Variants in SORT1 observed in about 807,000 individuals in gnomAD.
SORT1 encodes sortilin 1.
In SORT1, 39 loss-of-function variants were observed where a neutral mutation model predicts 101.7. The observed-to-expected ratio is 0.38, with a 90% CI of 0.30 to 0.50. The LOEUF is 0.50. Among genes scored for constraint, SORT1 ranks in the 20% least tolerant of loss-of-function variants. SORT1 has a pLI of 0.90. For synonymous variants in SORT1, 396 were observed against 393.7 expected (o/e 1.01, Z -0.07); for missense variants, 878 against 1,040.4 (o/e 0.84, Z 2.15).
chr1:109,383,599 G>A (rs1015487948), intron 1 of SORT1, among the ~76,000 whole-genome samples: 1 of 152,168 alleles, frequency 6.6e-6, no homozygotes, highest in Non-Finnish European at 1.5e-5. Flanking sequence ...ACAAAGGCAA[G>A]GCATCGGTGA....
In SORT1 at chr1:109,312,512, A is replaced by AT. The variant is rs777634238; in HGVS notation, c.*1530dup. The AT allele has an allele frequency of 2.3e-5, 1 of 44,154 alleles. No individual in the cohort carries two copies. Among genetic ancestry groups the AT allele is most frequent in the Non-Finnish European group, 5.9e-5 (1 of 17,034 alleles). The allele number at this position is 44,154 out of a possible 1,614,324, so 2.7% of individuals were successfully genotyped here. ...GACTAAAGTTAATTTGGCACTTCAA[A>AT]TAAAAAAAAAAAAAAACACACAAAA... On this transcript the variant is annotated 3_prime_UTR_variant, in exon 20 of 20. Coordinates refer to ENST00000256637, the MANE Select transcript of SORT1 (RefSeq NM_002959.7).
chr1:109,324,262 G>C (rs1302561232), intron 14 of SORT1, among the ~76,000 whole-genome samples: 1 of 151,984 alleles, frequency 6.6e-6, no homozygotes, highest in African/African-American at 2.4e-5. Context: ...CCAACTAGCT[G>C]GGACCCGCCA....
intron 2 of SORT1, among the ~76,000 whole-genome samples, chr1:109,368,218 TG>T (rs1311627198): frequency 1.4e-5 from 2 of 145,378 alleles, no homozygotes; most frequent in Non-Finnish European, 3.0e-5. Flanking sequence ...TGCTTGAACC[TG>T]GGAGGTGGAC....
Position 109,326,486 on chromosome 1 carries a change from T to C in SORT1, c.1643+506A>G, listed in dbSNP as rs113967979. ...ATATACATACACACACACACACACA[T>C]ATATATACACACATATATACACACA... On this transcript the variant is annotated intron_variant, in intron 13 of 19. Transcript: ENST00000256637. Among the ~76,000 whole-genome samples, 230 of 92,072 alleles carry C rather than the reference T, an allele frequency of 2.5e-3. 3 individuals are homozygous for C. Among genetic ancestry groups the C allele is most frequent in the African/African-American group, 5.5e-3 (149 of 27,198 alleles). The allele number at this position is 92,072 out of a possible 152,430, so 60.4% of individuals were successfully genotyped here.
chr1:109,347,816 T>TC (rs925895447), intron 6 of SORT1, among the ~76,000 whole-genome samples: 11 of 152,180 alleles, frequency 7.2e-5, no homozygotes, highest in African/African-American at 2.7e-4. Flanking sequence ...ACATTTTTGA[T>TC]CATCACAACT....
chr1:109,311,184 G>A lies in SORT1; in HGVS notation c.*2859C>T, dbSNP rs1658710678. The A allele has an allele frequency of 6.6e-6, 1 of 152,232 alleles. No homozygotes were observed. The highest frequency in any genetic ancestry group is 2.4e-5 in the African/African-American group (1 of 41,454). The allele number at this position is 152,232 out of a possible 1,614,324, so 9.4% of individuals were successfully genotyped here. On this transcript the variant is annotated 3_prime_UTR_variant, in exon 20 of 20. Coordinates refer to ENST00000256637, the MANE Select transcript of SORT1 (RefSeq NM_002959.7). ...AAAGCCCAATGCCCAATTAGGTCCA[G>A]AGAAGAAAGAAGAGTGAGTTCCCTA...
At chr1:109,360,840 G>C (rs2101614749) in intron 3 of SORT1, among the ~76,000 whole-genome samples, 1 of 152,284 alleles carries the variant, frequency 6.6e-6, no homozygotes, top group South Asian at 2.1e-4. Context: ...TTTTGAAATT[G>C]AGGAGGCAGC....
intron 1 of SORT1, among the ~76,000 whole-genome samples, chr1:109,394,184 C>T (rs957871631): frequency 6.6e-6 from 1 of 152,068 alleles, no homozygotes; most frequent in Non-Finnish European, 1.5e-5. Flanking sequence ...TTCTTGTCAT[C>T]CCTTTTGTTT....
intron 3 of SORT1, among the ~76,000 whole-genome samples, chr1:109,361,728 T>C (rs373413804): frequency 6.6e-5 from 10 of 152,348 alleles, no homozygotes; most frequent in Admixed American, 2.0e-4. Context: ...TCATGGATTC[T>C]ATATTTGTAA....
chr1:109,385,130 A>G (rs1203129125), intron 1 of SORT1, among the ~76,000 whole-genome samples: 2 of 152,122 alleles, frequency 1.3e-5, no homozygotes, highest in Non-Finnish European at 2.9e-5. Context: ...CTCTCTCCCT[A>G]TTATAATTAA....
intron 11 of SORT1, among the ~76,000 whole-genome samples, chr1:109,334,760 A>C (rs1204614091): frequency 6.6e-6 from 1 of 152,212 alleles, no homozygotes; most frequent in Non-Finnish European, 1.5e-5. Flanking sequence ...GTATATATAT[A>C]TCAAAACATC....
At chr1:109,343,943 C>A (rs1001958269) in intron 8 of SORT1, among the ~76,000 whole-genome samples, 1 of 152,230 alleles carries the variant, frequency 6.6e-6, no homozygotes, top group Non-Finnish European at 1.5e-5. Flanking sequence ...AGCCACCATG[C>A]TCGGCCCAAA....
chr1:109,349,012 A>C (rs1054170838), intron 6 of SORT1, among the ~76,000 whole-genome samples: 1 of 152,134 alleles, frequency 6.6e-6, no homozygotes, highest in Non-Finnish European at 1.5e-5. Flanking sequence ...TACATGTTTT[A>C]GTTCCATCAG....
At chr1:109,338,430 C>T (rs1042119415) in intron 10 of SORT1, among the ~76,000 whole-genome samples, 4 of 152,008 alleles carry the variant, frequency 2.6e-5, no homozygotes, top group Non-Finnish European at 5.9e-5. Flanking sequence ...TACCTCCTAC[C>T]GAAAAATAAA....
chr1:109,336,499 G>A lies in SORT1; in HGVS notation c.1265-153C>T, dbSNP rs533931635. Among the ~76,000 whole-genome samples, 397 of 152,266 alleles carry A rather than the reference G, an allele frequency of 2.6e-3. 2 individuals are homozygous for A. The highest frequency in any genetic ancestry group is 6.8e-3 in the Middle Eastern group (2 of 294). On this transcript the variant is annotated intron_variant, in intron 10 of 19. Coordinates refer to ENST00000256637, the MANE Select transcript of SORT1 (RefSeq NM_002959.7). ...ACAAAACGGCTCATTGTTGGTAACGGAGCAGCACTTTAAATATGATATTTG... is the reference window on the plus strand; with the variant it reads ...ACAAAACGGCTCATTGTTGGTAACGAAGCAGCACTTTAAATATGATATTTG...
At chr1:109,366,902 A>G (rs1179817705) in intron 3 of SORT1, 3 of 94,122 alleles carry the variant, frequency 3.2e-5, no homozygotes, top group Non-Finnish European at 6.8e-5. Flanking sequence ...ACAGAGCTAG[A>G]CCCTGCTCAA....
At chr1:109,380,286 C>T (rs1180426479) in intron 1 of SORT1, among the ~76,000 whole-genome samples, 1 of 151,860 alleles carries the variant, frequency 6.6e-6, no homozygotes, top group African/African-American at 2.4e-5. Context: ...GAGTGGGACC[C>T]TGTGTCAAAA....
intron 13 of SORT1, among the ~76,000 whole-genome samples, chr1:109,326,276 C>T (rs1333720444): frequency 6.8e-6 from 1 of 146,792 alleles, no homozygotes; most frequent in Non-Finnish European, 1.5e-5. Context: ...TGGTCTTGAA[C>T]TCTTGGGCTC....
intron 8 of SORT1, 91 bp downstream of exon 8, chr1:109,345,660 G>A: frequency 7.9e-7 from 1 of 1,269,520 alleles, no homozygotes; most frequent in African/African-American, 1.5e-5. Context: ...AAAAAGACAA[G>A]AAACTCTGTC....
Sources: gnomAD v4.1 joint callset for allele counts (sites outside exome capture counted in the v4.1 genomes callset) on GRCh38, gnomAD v4.1.1 for gene constraint, MANE v1.5 for transcripts, NCBI Gene and HGNC (gene_info 2026-07-23, HGNC 2026-07-21) for gene names.